VPS13B: variants seen among roughly 807,000 people sequenced by gnomAD.
The protein encoded by VPS13B is vacuolar protein sorting 13 homolog B.
Under a neutral mutation model 426.4 loss-of-function variants are expected in VPS13B, and 285 were observed. That is an observed-to-expected ratio of 0.67 (90% CI 0.61 to 0.74). The LOEUF is 0.74. Ranked by LOEUF, VPS13B falls within the 30% of genes least tolerant of loss-of-function variation. The probability of loss-of-function intolerance (pLI) is 0.00; values close to 1 mark genes in which losing one functional copy is unlikely to be tolerated. For missense variants in VPS13B, 4,537 were observed against 4,782.6 expected, an observed-to-expected ratio of 0.95 and a Z score of 1.51; for synonymous variants, 1,676 against 1,676.4, an observed-to-expected ratio of 1.00 and a Z score of 0.01.
At position 99,247,197 on chromosome 8, in the gene VPS13B, C is replaced by T. The variant is rs78003295; in HGVS notation, c.2516-27001C>T. ...TGTTCAATTTTTTTTTTAACTCCTT[C>T]TATTAAAATAGACATTATTGTATTT... On this transcript the variant is annotated intron_variant, in intron 17 of 61. Transcript: ENST00000357162. 1.3e-4 allele frequency among the ~76,000 whole-genome samples: 20 copies of T among 152,064 alleles called. No homozygotes were observed. The East Asian group carries it at 3.9e-3, about 29-fold the overall frequency.
intron 14 of VPS13B, among the ~76,000 whole-genome samples, chr8:99,150,312 G>A (rs72670298): frequency 0.26 from 40,247 of 151,908 alleles, 6,070 homozygotes; most frequent in East Asian, 0.43. Flanking sequence ...CTCCCCCCAC[G>A]TACATAGCTT....
At chr8:99,174,581 C>G (rs1812528696) in intron 16 of VPS13B, among the ~76,000 whole-genome samples, 1 of 152,054 alleles carries the variant, frequency 6.6e-6, no homozygotes, top group Non-Finnish European at 1.5e-5. Flanking sequence ...TTTTCATGTC[C>G]TATCTATTCA....
chr8:99,246,819 C>T (rs897640695), intron 17 of VPS13B, among the ~76,000 whole-genome samples: 10 of 147,684 alleles, frequency 6.8e-5, no homozygotes, highest in African/African-American at 2.5e-4. Flanking sequence ...CACTGCACTC[C>T]AGCCTGGGCG....
intron 5 of VPS13B, among the ~76,000 whole-genome samples, chr8:99,109,351 A>G (rs1343576724): frequency 6.6e-6 from 1 of 150,900 alleles, no homozygotes; most frequent in East Asian, 1.9e-4. Flanking sequence ...GGTCTAGGGT[A>G]TCCTTGAAAT....
intron 30 of VPS13B, among the ~76,000 whole-genome samples, chr8:99,533,196 C>T (rs1588469239): frequency 6.6e-6 from 1 of 152,158 alleles, no homozygotes; most frequent in Non-Finnish European, 1.5e-5. Context: ...ACCTTGGCCT[C>T]TTAAAGTGCT....
chr8:99,837,918 G>T (rs1341257928), intron 54 of VPS13B, among the ~76,000 whole-genome samples: 1 of 152,148 alleles, frequency 6.6e-6, no homozygotes, highest in African/African-American at 2.4e-5. Flanking sequence ...ACCATAAAAT[G>T]CCCATTATGC....
At chr8:99,151,423 G>A (rs1811073004) in intron 14 of VPS13B, among the ~76,000 whole-genome samples, 2 of 151,954 alleles carry the variant, frequency 1.3e-5, no homozygotes, top group African/African-American at 2.4e-5. Context: ...TGCCTTTTGT[G>A]TTATATCTGA....
intron 44 of VPS13B, among the ~76,000 whole-genome samples, chr8:99,815,309 G>A (rs998849325): frequency 6.6e-6 from 1 of 152,002 alleles, no homozygotes; most frequent in Non-Finnish European, 1.5e-5. Flanking sequence ...GTAAGTTCCA[G>A]TCCAAAGTCT....
At chr8:99,671,568 C>T (rs1830717753) in intron 35 of VPS13B, among the ~76,000 whole-genome samples, 1 of 152,046 alleles carries the variant, frequency 6.6e-6, no homozygotes, top group Admixed American at 6.6e-5. Context: ...AGAGCTTTTC[C>T]CCTGTGTTTT....
At chr8:99,584,831 G>A (rs904015126) in intron 33 of VPS13B, among the ~76,000 whole-genome samples, 3 of 152,066 alleles carry the variant, frequency 2.0e-5, no homozygotes, top group African/African-American at 7.2e-5. Context: ...GGATACTAGG[G>A]TGACAGCATT....
chr8:99,078,813 A>G (rs1344712247), intron 3 of VPS13B, among the ~76,000 whole-genome samples: 2 of 151,686 alleles, frequency 1.3e-5, no homozygotes, highest in Non-Finnish European at 2.9e-5. Context: ...GCCGGTCCCC[A>G]GTCCCCTAGG....
intron 19 of VPS13B, among the ~76,000 whole-genome samples, chr8:99,343,470 A>G (rs1363223669): frequency 6.6e-6 from 1 of 152,132 alleles, no homozygotes; most frequent in Admixed American, 6.6e-5. Flanking sequence ...GATATATGCT[A>G]TGCAAATATT....
chr8:99,030,457 AGTGAGT>A (rs1488304001), intron 2 of VPS13B, among the ~76,000 whole-genome samples: 1 of 94,632 alleles, frequency 1.1e-5, no homozygotes, highest in African/African-American at 3.9e-5. Flanking sequence ...AGTATGAGTG[AGTGAGT>A]GTGTGTGTGT....
At chr8:99,623,936 G>A (rs1563830492) in intron 33 of VPS13B, among the ~76,000 whole-genome samples, 2 of 150,426 alleles carry the variant, frequency 1.3e-5, no homozygotes, top group Non-Finnish European at 3.0e-5. Flanking sequence ...AATGTGAAAG[G>A]GGCTCACATT....
At chr8:99,545,992 G>T (rs1455613368) in intron 30 of VPS13B, among the ~76,000 whole-genome samples, 1 of 151,952 alleles carries the variant, frequency 6.6e-6, no homozygotes, top group Non-Finnish European at 1.5e-5. Flanking sequence ...TGCAAATTAA[G>T]TTATTCATAT....
chr8:99,207,141 C>T (rs996554553), intron 17 of VPS13B, among the ~76,000 whole-genome samples: 1 of 151,940 alleles, frequency 6.6e-6, no homozygotes, highest in Non-Finnish European at 1.5e-5. Context: ...CAGCTTATGT[C>T]CAGGTATTGA....
chr8:99,709,175 T>A, intron 36 of VPS13B, among the ~76,000 whole-genome samples: 1 of 152,232 alleles, frequency 6.6e-6, no homozygotes, highest in Admixed American at 6.5e-5. Context: ...ACATGCTTGC[T>A]GATTTTCTAG....
intron 30 of VPS13B, among the ~76,000 whole-genome samples, chr8:99,539,037 G>A (rs1007833264): frequency 1.3e-5 from 2 of 152,088 alleles, no homozygotes; most frequent in South Asian, 2.1e-4. Flanking sequence ...CCATAAGAAA[G>A]TATTTCACCA....
At chr8:99,615,556 T>A (rs1009458042) in intron 33 of VPS13B, among the ~76,000 whole-genome samples, 2 of 152,230 alleles carry the variant, frequency 1.3e-5, no homozygotes, top group Non-Finnish European at 2.9e-5. Flanking sequence ...TGTAAGTTTT[T>A]AAAAACTCTT....
Sources: gnomAD v4.1 joint callset for allele counts (sites outside exome capture counted in the v4.1 genomes callset) on GRCh38, gnomAD v4.1.1 for gene constraint, MANE v1.5 for transcripts, NCBI Gene and HGNC (gene_info 2026-07-23, HGNC 2026-07-21) for gene names.